PRDM16: variants seen among roughly 807,000 people sequenced by gnomAD.
PRDM16 encodes PR/SET domain 16.
Under a neutral mutation model 110.6 loss-of-function variants are expected in PRDM16, and 23 were observed. The observed-to-expected ratio is 0.21, with a 90% confidence interval of 0.15 to 0.29. PRDM16 has a LOEUF of 0.29. PRDM16 is among the 10% of genes least tolerant of loss of function. The pLI, the probability that PRDM16 is intolerant of heterozygous loss-of-function variation, is 1.00. For missense variants in PRDM16, 1,615 were observed against 1,794.3 expected (o/e 0.90, Z 1.81); for synonymous variants, 799 against 781.8 (o/e 1.02, Z -0.37).
intron 3 of PRDM16, among the ~76,000 whole-genome samples, chr1:3,360,720 C>T (rs1339248149): frequency 6.6e-6 from 1 of 152,216 alleles, no homozygotes; most frequent in East Asian, 1.9e-4. Flanking sequence ...AAGCACAGGG[C>T]CCAGCACGCC....
intron 1 of PRDM16, among the ~76,000 whole-genome samples, chr1:3,123,264 TG>T (rs1159686331): frequency 7.9e-5 from 12 of 152,196 alleles, no homozygotes; most frequent in Admixed American, 2.6e-4. Flanking sequence ...TCTGTCTCCA[TG>T]GCAGAGAGGC....
chr1:3,433,580 C>T lies in PRDM16; in HGVS notation c.3697-97C>T, dbSNP rs1035059165. On this transcript the variant is annotated intron_variant, in intron 16 of 16. Coordinates refer to ENST00000270722, the MANE Select transcript of PRDM16 (RefSeq NM_022114.4). ...GCTCACCTGCCTGTCTGGGATGGCC[C>T]GCCCTGCCCACGCGCTCACCTGCCT... is the stretch of plus-strand genomic sequence containing the variant. 7.5e-5 allele frequency: 33 copies of T among 440,064 alleles called. No homozygotes were observed. In the African/African-American group the frequency reaches 7.5e-4, roughly 10 times the overall value. The allele number at this position is 440,064 out of a possible 1,614,324, so 27.3% of individuals were successfully genotyped here.
rs544895213 is a variant in PRDM16, at chr1:3,069,886, G to A, written c.37+590G>A. Reference sequence around the variant, plus strand: ...GGGCCGGCGCCCACCCGGCTCCGCGGGCGCAGGGGCAGGGGTGGCGACGGC... The same window carrying A: ...GGGCCGGCGCCCACCCGGCTCCGCGAGCGCAGGGGCAGGGGTGGCGACGGC... On this transcript the variant is annotated intron_variant, in intron 1 of 16. Coordinates refer to ENST00000270722, the MANE Select transcript of PRDM16 (RefSeq NM_022114.4). This position sits in a 1 kb window ranked among gnomAD's most constrained non-coding sequence, Gnocchi z 6.1. Among the ~76,000 whole-genome samples the A allele has an allele frequency of 6.6e-6, 1 of 151,908 alleles. No individual in the cohort carries two copies. The highest frequency in any genetic ancestry group is 2.4e-5 in the African/African-American group (1 of 41,488).
At chr1:3,173,034 G>A (rs944971571) in intron 1 of PRDM16, among the ~76,000 whole-genome samples, 3 of 152,214 alleles carry the variant, frequency 2.0e-5, no homozygotes, top group African/African-American at 4.8e-5. Context: ...AGCCAACACC[G>A]CCTGGTATTT....
chr1:3,306,280 T>C (rs1033208481), intron 3 of PRDM16, among the ~76,000 whole-genome samples: 1 of 152,262 alleles, frequency 6.6e-6, no homozygotes, highest in African/African-American at 2.4e-5. Context: ...ACAGCATCAC[T>C]GCACATAATC....
chr1:3,349,231 G>A (rs1024592151), intron 3 of PRDM16, among the ~76,000 whole-genome samples: 1 of 152,300 alleles, frequency 6.6e-6, no homozygotes, highest in East Asian at 1.9e-4. Flanking sequence ...CTGCTCTCTG[G>A]CTCCCAGTGA....
chr1:3,342,728 GA>G (rs1642296112), intron 3 of PRDM16, among the ~76,000 whole-genome samples: 1 of 152,214 alleles, frequency 6.6e-6, no homozygotes, highest in Admixed American at 6.5e-5. Context: ...TCCGCATAAA[GA>G]CATCCACGCA....
chr1:3,203,115 A>G (rs1442161419), intron 2 of PRDM16, among the ~76,000 whole-genome samples: 1 of 151,906 alleles, frequency 6.6e-6, no homozygotes, highest in Admixed American at 6.6e-5. Flanking sequence ...ATTGCACACC[A>G]CCCCCAACCC....
intron 3 of PRDM16, among the ~76,000 whole-genome samples, chr1:3,273,844 GTGTGTGTA>G (rs1640520397): frequency 6.6e-6 from 1 of 151,612 alleles, no homozygotes; most frequent in African/African-American, 2.4e-5. Flanking sequence ...GTGTGTGTGT[GTGTGTGTA>G]TGGGCTGCTT....
intron 1 of PRDM16, among the ~76,000 whole-genome samples, chr1:3,075,874 A>G (rs1465712586): frequency 6.6e-6 from 1 of 152,038 alleles, no homozygotes; most frequent in African/African-American, 2.4e-5. Context: ...TCTGCGATCC[A>G]CCTCGGGCCA....
intron 1 of PRDM16, among the ~76,000 whole-genome samples, chr1:3,110,337 G>C (rs1230065278): frequency 6.3e-5 from 9 of 141,808 alleles, no homozygotes; most frequent in African/African-American, 2.2e-4. Context: ...CAGTGCTCGG[G>C]GGCTCCCCCA....
chr1:3,091,074 C>T (rs188520260), intron 1 of PRDM16, among the ~76,000 whole-genome samples: 9 of 152,202 alleles, frequency 5.9e-5, no homozygotes, highest in African/African-American at 1.2e-4. Flanking sequence ...TAGCTCTGGA[C>T]GGGGCTTCTT....
At chr1:3,269,738 A>C (rs1219877423) in intron 3 of PRDM16, among the ~76,000 whole-genome samples, 1 of 150,282 alleles carries the variant, frequency 6.7e-6, no homozygotes, top group East Asian at 2.0e-4. Flanking sequence ...AGTTGGGAGG[A>C]CAGTCAGGAG....
At chr1:3,335,607 A>G (rs978262453) in intron 3 of PRDM16, among the ~76,000 whole-genome samples, 170 of 76,358 alleles carry the variant, frequency 2.2e-3, no homozygotes, top group South Asian at 0.01. Context: ...GTTAAAACAC[A>G]CACACACACA....
chr1:3,211,886 G>A (rs1003107396), intron 2 of PRDM16, among the ~76,000 whole-genome samples: 4 of 152,220 alleles, frequency 2.6e-5, no homozygotes, highest in Admixed American at 6.5e-5. Flanking sequence ...GGGTGGGAGC[G>A]GGTGTGTATC....
intron 5 of PRDM16, among the ~76,000 whole-genome samples, chr1:3,402,195 G>T (rs952688569): frequency 6.6e-6 from 1 of 152,166 alleles, no homozygotes; most frequent in East Asian, 1.9e-4. Context: ...CATCTTGTTG[G>T]GGGGGTCTCC....
At chr1:3,427,992 C>T (rs1427705577) in intron 14 of PRDM16, among the ~76,000 whole-genome samples, 2 of 152,220 alleles carry the variant, frequency 1.3e-5, no homozygotes, top group African/African-American at 4.8e-5. Flanking sequence ...GCCCCACAGC[C>T]CCGTCCCCAG....
chr1:3,307,995 T>C (rs1156753642), intron 3 of PRDM16: 2 of 152,202 alleles, frequency 1.3e-5, no homozygotes, highest in East Asian at 3.8e-4. Flanking sequence ...TGCTGTCACC[T>C]GGGGACAGGT....
chr1:3,420,476 C>T (rs1025169542), intron 12 of PRDM16, among the ~76,000 whole-genome samples: 22 of 152,302 alleles, frequency 1.4e-4, no homozygotes, highest in Admixed American at 4.6e-4. Flanking sequence ...GACGCAGCCC[C>T]GCGCAAGCAG....
Sources: gnomAD v4.1 joint callset for allele counts (sites outside exome capture counted in the v4.1 genomes callset) on GRCh38, gnomAD v4.1.1 for gene constraint, Gnocchi (gnomAD v3.1) non-coding constraint, MANE v1.5 for transcripts, NCBI Gene and HGNC (gene_info 2026-07-23, HGNC 2026-07-21) for gene names.